Variants in KLRD1 observed in about 807,000 individuals in gnomAD.
KLRD1 encodes the protein killer cell lectin like receptor D1.
Under a neutral mutation model 22.6 loss-of-function variants are expected in KLRD1, and 21 were observed. The ratio of observed to expected loss-of-function variants is 0.93; its 90% CI spans 0.66 to 1.34. The LOEUF (loss-of-function observed/expected upper bound fraction) is 1.34. Among genes scored for constraint, KLRD1 ranks in the 40% most tolerant of loss-of-function variants. The pLI is 0.00. For missense variants in KLRD1, 183 were observed against 208.6 expected (o/e 0.88, Z 0.76); for synonymous variants, 59 against 71.1 (o/e 0.83, Z 0.85).
intron 1 of KLRD1, among the ~76,000 whole-genome samples, chr12:10,287,406 A>G (rs1564185): frequency 0.97 from 148,202 of 152,166 alleles, 72,285 homozygotes; most frequent in East Asian, 1. Flanking sequence ...GACCTCTCAC[A>G]GATAGGTTGC....
In KLRD1 at chr12:10,309,630, T is replaced by C. The variant is rs753435910; in HGVS notation, c.105T>C (p.Phe35=). The change falls in exon 3 of 6, where the codon TTT becomes TTC. Residue 35 remains phenylalanine (F), a synonymous_variant. Transcript: ENST00000336164. The stretch of plus-strand genomic sequence containing the variant: ...ATTTCTAATCATTTCTTATAGCTTT[T>C]ACTAAACTGAGTATTGAGCCAGCAT... ...STLGILLKNS[F]TKLSIEPAFT... is the part of the protein sequence containing the mutation. 5.0e-6 allele frequency: 8 copies of C among 1,610,192 alleles called. No homozygotes were observed. In the Admixed American group the frequency reaches 6.7e-5, roughly 13 times the overall value.
intron 1 of KLRD1, among the ~76,000 whole-genome samples, chr12:10,257,139 C>CTTTTTTTTTTTTTTTTTTT (rs55950006): frequency 7.7e-6 from 1 of 130,288 alleles, no homozygotes; most frequent in African/African-American, 3.1e-5. Flanking sequence ...CTTTTCTTTT[C>CTTTTTTTTTTTTTTTTTTT]TTTTTTTTTT....
At chr12:10,297,521 A>G (rs952637947) in intron 1 of KLRD1, among the ~76,000 whole-genome samples, 3 of 152,132 alleles carry the variant, frequency 2.0e-5, no homozygotes, top group Non-Finnish European at 4.4e-5. Flanking sequence ...ATAATTTTAT[A>G]TGCTTTCTTA....
chr12:10,287,781 A>G (rs1056276964), intron 1 of KLRD1, among the ~76,000 whole-genome samples: 27 of 152,134 alleles, frequency 1.8e-4, no homozygotes, highest in African/African-American at 6.5e-4. Context: ...CTCTGTAAGA[A>G]AGATCAGGCC....
chr12:10,299,391 C>A (rs962682288), intron 1 of KLRD1, among the ~76,000 whole-genome samples: 1 of 151,932 alleles, frequency 6.6e-6, no homozygotes, highest in East Asian at 1.9e-4. Context: ...TATAAGCAAA[C>A]CTTGGAGATA....
At chr12:10,250,253 A>C (rs1027152521) in intron 1 of KLRD1, among the ~76,000 whole-genome samples, 1 of 143,954 alleles carries the variant, frequency 6.9e-6, no homozygotes, top group Non-Finnish European at 1.5e-5. Context: ...AGTGCTGGAA[A>C]CCAAGAAAGG....
intron 1 of KLRD1, among the ~76,000 whole-genome samples, chr12:10,240,072 T>G (rs1949226783): frequency 6.6e-6 from 1 of 151,090 alleles, no homozygotes; most frequent in African/African-American, 2.4e-5. Context: ...CTTTCTTTTT[T>G]TTTTTGGAGA....
chr12:10,297,153 CT>C (rs1258085736), intron 1 of KLRD1, among the ~76,000 whole-genome samples: 2 of 152,220 alleles, frequency 1.3e-5, no homozygotes, highest in Admixed American at 1.3e-4. Flanking sequence ...GAAAGTGTAC[CT>C]GTGCTCACGC....
rs1375019978 is a variant in KLRD1, at chr12:10,329,039, T to C, written c.*14246T>C. 2 of 152,188 alleles carry C rather than the reference T, an allele frequency of 1.3e-5. No homozygotes were observed. Among genetic ancestry groups the C allele is most frequent in the Admixed American group, 1.3e-4 (2 of 15,272 alleles). 9.4% of individuals were successfully genotyped at this position (152,188 alleles called of 1,614,324 possible). On this transcript the variant is annotated 3_prime_UTR_variant, in exon 6 of 6. Coordinates refer to ENST00000336164, the MANE Select transcript of KLRD1 (RefSeq NM_002262.5). ...TCCCTCCACCAACATGGGGGAATTA[T>C]GGGAGCTACAATTCAAGATGAGATT...
chr12:10,244,929 GTGTTTACTATA>G (rs1949277321), intron 1 of KLRD1, among the ~76,000 whole-genome samples: 1 of 152,186 alleles, frequency 6.6e-6, no homozygotes, highest in East Asian at 1.9e-4. Flanking sequence ...ATATTTATTG[GTGTTTACTATA>G]TGTCAGGCTT....
At position 10,316,449 on chromosome 12, in the gene KLRD1, C is replaced by G. The variant is rs1417335124; in HGVS notation, c.*1656C>G. Reference sequence around the variant, plus strand: ...CACGGTTTCATTCCCATTGCCCAGGCTGTAGTGCAATGATGCAATCATGGT... The same window carrying G: ...CACGGTTTCATTCCCATTGCCCAGGGTGTAGTGCAATGATGCAATCATGGT... On this transcript the variant is annotated 3_prime_UTR_variant, in exon 6 of 6. Transcript: ENST00000336164. 1 of 152,006 alleles carries G rather than the reference C, an allele frequency of 6.6e-6. No individual in the cohort carries two copies. The highest frequency in any genetic ancestry group is 1.5e-5 in the Non-Finnish European group (1 of 68,026). 9.4% of individuals were successfully genotyped at this position (152,006 alleles called of 1,614,324 possible).
chr12:10,282,166 A>G (rs369704162), intron 1 of KLRD1, among the ~76,000 whole-genome samples: 13 of 152,266 alleles, frequency 8.5e-5, no homozygotes, highest in Middle Eastern at 3.4e-3. Context: ...AACATTGCCT[A>G]TAATTTTTTA....
At chr12:10,251,470 C>T in intron 1 of KLRD1, among the ~76,000 whole-genome samples, 1 of 151,922 alleles carries the variant, frequency 6.6e-6, no homozygotes, top group East Asian at 1.9e-4. Flanking sequence ...ATGGTCTGGT[C>T]CAGTGGTCCC....
intron 1 of KLRD1, among the ~76,000 whole-genome samples, chr12:10,250,482 G>A (rs1949336412): frequency 6.6e-6 from 1 of 151,276 alleles, no homozygotes; most frequent in Non-Finnish European, 1.5e-5. Context: ...TTTGAGACGG[G>A]GTCTCACTCT....
chr12:10,299,159 T>C (rs1466177063), intron 1 of KLRD1, among the ~76,000 whole-genome samples: 2 of 152,178 alleles, frequency 1.3e-5, no homozygotes, highest in African/African-American at 4.8e-5. Flanking sequence ...CTCTTCCATG[T>C]TACCATTAGG....
At chr12:10,293,982 C>A (rs1949800088) in intron 1 of KLRD1, among the ~76,000 whole-genome samples, 1 of 152,202 alleles carries the variant, frequency 6.6e-6, no homozygotes, top group Admixed American at 6.5e-5. Context: ...GCTATCCTCA[C>A]TTTCCTTTTC....
intron 1 of KLRD1, among the ~76,000 whole-genome samples, chr12:10,260,977 ATT>A (rs34182647): frequency 0.072 from 10,697 of 148,530 alleles, 673 homozygotes; most frequent in African/African-American, 0.16. Context: ...AAAAAAAAAA[ATT>A]TTTTTGAGGT....
intron 1 of KLRD1, among the ~76,000 whole-genome samples, chr12:10,282,597 T>G (rs1949656417): frequency 6.6e-6 from 1 of 152,222 alleles, no homozygotes; most frequent in Non-Finnish European, 1.5e-5. Context: ...TATAGTATTA[T>G]GTTTAAAATG....
At chr12:10,271,911 T>G (rs1267877608) in intron 1 of KLRD1, among the ~76,000 whole-genome samples, 1 of 152,128 alleles carries the variant, frequency 6.6e-6, no homozygotes, top group African/African-American at 2.4e-5. Flanking sequence ...AACAATACAA[T>G]AATCGTTTAT....
Sources: gnomAD v4.1 joint callset for allele counts (sites outside exome capture counted in the v4.1 genomes callset) on GRCh38, gnomAD v4.1.1 for gene constraint, MANE v1.5 for transcripts, NCBI Gene and HGNC (gene_info 2026-07-23, HGNC 2026-07-21) for gene names.